Variants in RBBP5 observed in about 807,000 individuals in gnomAD.
RBBP5 encodes retinoblastoma-binding protein 5.
In RBBP5, 5 loss-of-function variants were observed where a neutral mutation model predicts 72.2. The observed-to-expected ratio is 0.07, with a 90% confidence interval of 0.04 to 0.15. The LOEUF is 0.15. Among genes scored for constraint, RBBP5 ranks in the 10% least tolerant of loss-of-function variants. The probability of loss-of-function intolerance (pLI) is 1.00; values close to 1 mark genes in which losing one functional copy is unlikely to be tolerated. For missense variants in RBBP5, 322 were observed against 652.2 expected, an observed-to-expected ratio of 0.49 and a Z score of 5.51; for synonymous variants, 209 against 237.2, an observed-to-expected ratio of 0.88 and a Z score of 1.09.
chr1:205,094,867 CCTT>C lies in RBBP5; in HGVS notation c.1588+3_1588+5del. 1 of 1,612,374 alleles carries C rather than the reference CCTT, an allele frequency of 6.2e-7. No homozygotes were observed. Among genetic ancestry groups the C allele is most frequent in the East Asian group, 2.2e-5 (1 of 44,838 alleles). Reference sequence around the variant, plus strand: ...AAGCCAGACAATGCTCCCAATGTGTCCTTACCTGTCAAGGGCTGGCTGAGTTCC... The same window carrying C: ...AAGCCAGACAATGCTCCCAATGTGTCACCTGTCAAGGGCTGGCTGAGTTCC... On this transcript the variant is annotated splice_donor_5th_base_variant and intron_variant, in intron 13 of 13. Coordinates refer to ENST00000264515, the MANE Select transcript of RBBP5 (RefSeq NM_005057.4).
intron 1 of RBBP5, 109 bp downstream of exon 1, chr1:205,121,746 C>CCATAG: frequency 1.3e-6 from 2 of 1,542,858 alleles, no homozygotes; most frequent in Middle Eastern, 1.7e-4. Flanking sequence ...GCCCAGTGAT[C>CCATAG]CATAGCCGAA....
chr1:205,099,189 A>C lies in RBBP5; in HGVS notation c.979-83T>G, dbSNP rs997640372. ...CATTAATGATAAAATGAAAGATGTG[A>C]GCATGAAAGGAATTCACAATTCTTA... On this transcript the variant is annotated intron_variant, in intron 9 of 13. Transcript: ENST00000264515. The surrounding 1 kb of genome is among the most constrained non-coding windows in gnomAD (Gnocchi z 4.7). 1 of 852,032 alleles carries C rather than the reference A, an allele frequency of 1.2e-6. No individual in the cohort carries two copies. The highest frequency in any genetic ancestry group is 1.8e-5 in the African/African-American group (1 of 56,904). The allele number at this position is 852,032 out of a possible 1,614,324, so 52.8% of individuals were successfully genotyped here.
chr1:205,104,135 T>A (rs114607410), intron 4 of RBBP5, 116 bp from the exon 5 acceptor site: 1 of 1,102,968 alleles, frequency 9.1e-7, no homozygotes, highest in South Asian at 1.9e-5. Flanking sequence ...CCAAGCAAAT[T>A]TGAAACAGTG....
chr1:205,100,846 G>T (rs1437269151), intron 6 of RBBP5, among the ~76,000 whole-genome samples: 1 of 152,148 alleles, frequency 6.6e-6, no homozygotes, highest in Admixed American at 6.5e-5. Context: ...TTTTTCCACG[G>T]CCCAGGCTGG....
chr1:205,101,156 T>G (rs950534443), intron 6 of RBBP5, among the ~76,000 whole-genome samples: 1 of 152,190 alleles, frequency 6.6e-6, no homozygotes, highest in African/African-American at 2.4e-5. Flanking sequence ...GACTATTACC[T>G]CTTACTGACA....
chr1:205,098,927 A>G, intron 10 of RBBP5, 62 bp downstream of exon 10: 2 of 1,035,114 alleles, frequency 1.9e-6, no homozygotes, highest in Middle Eastern at 2.2e-4. Context: ...ACAAATGAAG[A>G]ATATTAAGTA....
intron 5 of RBBP5, among the ~76,000 whole-genome samples, 185 bp from the exon 6 acceptor site, chr1:205,101,894 C>CTTTT (rs10562809): frequency 8.4e-6 from 1 of 119,746 alleles, no homozygotes; most frequent in Non-Finnish European, 1.7e-5. Flanking sequence ...TTAATCTAGT[C>CTTTT]TTTTTTTTTT....
Position 205,101,676 on chromosome 1 carries a change from C to G in RBBP5, c.556G>C (p.Val186Leu). ...CCAGTTGTCACTCTGAAGGAAGCAA[C>G]AAGATCCTGAGAATCTGTTTTTAGG... The part of the protein sequence containing the change: ...LVLKTDSQDL[V>L]ASFRVTTGTS... Residue 186 changes from valine to leucine, a missense_variant, in exon 6 of 14, where the codon GTT becomes CTT. By Grantham distance (32) the Val-to-Leu change is conservative (BLOSUM62 1). This residue lies in a region of RBBP5 where 161 missense variants were observed against 327.8 expected (regional missense o/e 0.49). Transcript: ENST00000264515. 1 of 1,613,450 alleles carries G rather than the reference C, an allele frequency of 6.2e-7. No homozygotes were observed. The highest frequency in any genetic ancestry group is 1.3e-5 in the African/African-American group (1 of 75,000).
At chr1:205,105,825 G>C (rs150180539) in intron 3 of RBBP5, among the ~76,000 whole-genome samples, 1 of 152,322 alleles carries the variant, frequency 6.6e-6, no homozygotes, top group African/African-American at 2.4e-5. Flanking sequence ...GAAGAGCTAA[G>C]GGACCAGAAA....
intron 3 of RBBP5, among the ~76,000 whole-genome samples, chr1:205,114,545 T>C (rs1172879188): frequency 1.3e-5 from 2 of 152,148 alleles, no homozygotes; most frequent in African/African-American, 4.8e-5. Flanking sequence ...AATCTGAAAA[T>C]ATTTCATTTC....
intron 13 of RBBP5, among the ~76,000 whole-genome samples, chr1:205,089,047 GGGTT>G (rs1655236315): frequency 6.6e-6 from 1 of 152,102 alleles, no homozygotes. Context: ...CTGTCCCAAA[GGGTT>G]GGGGGAAAAG....
In RBBP5 at chr1:205,093,523, T is replaced by C. The variant is rs373992920; in HGVS notation, c.1588+1350A>G. Among the ~76,000 whole-genome samples the C allele has an allele frequency of 4.3e-3, 94 of 21,790 alleles. 1 individual carries two copies. Among genetic ancestry groups the C allele is most frequent in the African/African-American group, 0.024 (56 of 2,352 alleles). 14.3% of individuals were successfully genotyped at this position (21,790 alleles called of 152,430 possible). The stretch of plus-strand genomic sequence containing the variant: ...ATATATATATATATATATATATATA[T>C]ATATATATATACACACACACACACA... On this transcript the variant is annotated intron_variant, in intron 13 of 13. Transcript: ENST00000264515.
chr1:205,098,939 A>C (rs763940111), intron 10 of RBBP5, 50 bp downstream of exon 10: 6 of 1,198,868 alleles, frequency 5.0e-6, no homozygotes, highest in Non-Finnish European at 6.9e-6. Flanking sequence ...TATTAAGTAA[A>C]GCAATCATTT....
chr1:205,111,733 T>C (rs1352664265), intron 3 of RBBP5, among the ~76,000 whole-genome samples: 4 of 152,310 alleles, frequency 2.6e-5, no homozygotes, highest in Non-Finnish European at 5.9e-5. Context: ...TGAAGATCTT[T>C]CTAAAATAAA....
At chr1:205,116,858 A>G (rs1656545788) in intron 1 of RBBP5, among the ~76,000 whole-genome samples, 1 of 152,210 alleles carries the variant, frequency 6.6e-6, no homozygotes. Flanking sequence ...GTCAATTCAT[A>G]TCAGTCAAAT....
At chr1:205,097,801 A>G (rs1473087915) in intron 10 of RBBP5, among the ~76,000 whole-genome samples, 1 of 152,206 alleles carries the variant, frequency 6.6e-6, no homozygotes, top group African/African-American at 2.4e-5. Context: ...CCTAAAACAC[A>G]TTAGGCATGC....
chr1:205,102,943 AGATGGT>A (rs1655899160), intron 5 of RBBP5, among the ~76,000 whole-genome samples: 1 of 150,506 alleles, frequency 6.6e-6, no homozygotes, highest in Non-Finnish European at 1.5e-5. Flanking sequence ...CGGTGAACTG[AGATGGT>A]GCCATTGCAC....
At chr1:205,093,734 T>C (rs987328885) in intron 13 of RBBP5, among the ~76,000 whole-genome samples, 1 of 151,424 alleles carries the variant, frequency 6.6e-6, no homozygotes, top group Non-Finnish European at 1.5e-5. Context: ...AAACTCGAGA[T>C]GGAATACTCA....
chr1:205,099,370 T>A lies in RBBP5; in HGVS notation c.979-264A>T, dbSNP rs1299043922. Among the ~76,000 whole-genome samples, 1 of 152,212 alleles carries A rather than the reference T, an allele frequency of 6.6e-6. No individual in the cohort carries two copies. The highest frequency in any genetic ancestry group is 1.5e-5 in the Non-Finnish European group (1 of 68,044). ...ATTTTAGGAATTTAGAGGTAAAATG[T>A]TAAATTTTCTTGTAAGTACACTGAT... On this transcript the variant is annotated intron_variant, in intron 9 of 13. Transcript: ENST00000264515. This position sits in a 1 kb window ranked among gnomAD's most constrained non-coding sequence, Gnocchi z 4.7.
Sources: allele counts gnomAD v4.1 joint callset (sites outside exome capture counted in the v4.1 genomes callset), GRCh38; gene constraint gnomAD v4.1.1; regional missense constraint gnomAD v4.1.1; non-coding constraint Gnocchi (gnomAD v3.1); transcripts MANE v1.5; gene names NCBI Gene and HGNC (gene_info 2026-07-23, HGNC 2026-07-21).